TRAPPC13: variants seen among roughly 807,000 people sequenced by gnomAD.
The protein encoded by TRAPPC13 is trafficking protein particle complex subunit 13.
Under a neutral mutation model 54.0 loss-of-function variants are expected in TRAPPC13, and 39 were observed. The observed-to-expected ratio is 0.72, with a 90% CI of 0.56 to 0.94. The LOEUF is 0.94. Among genes scored for constraint, TRAPPC13 ranks in the 40% least tolerant of loss-of-function variants. TRAPPC13 has a pLI of 0.00. For missense variants in TRAPPC13, 386 were observed against 488.1 expected (o/e 0.79, Z 1.97); for synonymous variants, 148 against 167.7 (o/e 0.88, Z 0.91).
intron 4 of TRAPPC13, among the ~76,000 whole-genome samples, chr5:65,644,230 A>G (rs1756093867): frequency 6.6e-6 from 1 of 152,074 alleles, no homozygotes; most frequent in East Asian, 1.9e-4. Flanking sequence ...CCTGATTCCA[A>G]GTAGACCCTT....
At position 65,635,337 on chromosome 5, in the gene TRAPPC13, TC is replaced by T. The variant is rs754963852; in HGVS notation, c.86del (p.Pro29GlnfsTer2). 1.9e-6 allele frequency: 3 copies of T among 1,613,540 alleles called. No individual in the cohort carries two copies. The African/African-American group carries it at 4.0e-5, about 22-fold the overall frequency. Reference protein sequence around the residue: ...RLTKPTLFTNIPVTCEEKDLP... With the variant: ...RLTKPTLFTNXPVTCEEKDLP... Reference sequence around the variant, plus strand: ...ACTAAGCCTACTTTATTCACCAATATCCCAGTAACATGTGAAGAGAAAGACT... The same window carrying T: ...ACTAAGCCTACTTTATTCACCAATATCCAGTAACATGTGAAGAGAAAGACT... On this transcript the variant is annotated frameshift_variant, in exon 2 of 13. Coordinates refer to ENST00000399438, the MANE Select transcript of TRAPPC13 (RefSeq NM_024941.4). LOFTEE classifies it high-confidence loss of function.
chr5:65,650,181 G>A (rs575101729), intron 5 of TRAPPC13, among the ~76,000 whole-genome samples: 108 of 70,896 alleles, frequency 1.5e-3, no homozygotes, highest in African/African-American at 6.0e-3. Flanking sequence ...TTTTTTTTGA[G>A]ATGGAGTTTT....
At position 65,665,799 on chromosome 5, in the gene TRAPPC13, T is replaced by G. The variant is rs1357014379; in HGVS notation, c.*1188T>G. The G allele has an allele frequency of 6.6e-6, 1 of 152,536 alleles. No individual in the cohort carries two copies. The highest frequency in any genetic ancestry group is 2.4e-5 in the African/African-American group (1 of 41,454). The allele number at this position is 152,536 out of a possible 1,614,324, so 9.4% of individuals were successfully genotyped here. A position where few individuals can be genotyped will look rare whatever the true frequency, so the allele number is the denominator to read the frequency against. ...TTTGCAGCATTAATGTAACAAAAAG[T>G]TTCAGTATTTGTCAGGAAAACAAAA... On this transcript the variant is annotated 3_prime_UTR_variant, in exon 13 of 13. Coordinates refer to ENST00000399438, the MANE Select transcript of TRAPPC13 (RefSeq NM_024941.4).
chr5:65,653,091 C>CT (rs1359975958), intron 7 of TRAPPC13, among the ~76,000 whole-genome samples: 1 of 129,468 alleles, frequency 7.7e-6, no homozygotes, highest in Non-Finnish European at 1.7e-5. Flanking sequence ...AGAAGATACT[C>CT]TATCTTTTAC....
Position 65,664,716 on chromosome 5 carries a change from ATT to A in TRAPPC13, c.*108_*109del. The A allele has an allele frequency of 1.3e-6, 1 of 785,302 alleles. No homozygotes were observed. The highest frequency in any genetic ancestry group is 2.1e-6 in the Non-Finnish European group (1 of 480,914). 48.6% of individuals were successfully genotyped at this position (785,302 alleles called of 1,614,324 possible). ...ACAACGAAGTAAATATGTTACTTAAATTTTCTTTCCTGTAAAATGGTTAAAAT... is the reference window on the plus strand; with the variant it reads ...ACAACGAAGTAAATATGTTACTTAAATTCTTTCCTGTAAAATGGTTAAAAT... On this transcript the variant is annotated 3_prime_UTR_variant, in exon 13 of 13. Coordinates refer to ENST00000399438, the MANE Select transcript of TRAPPC13 (RefSeq NM_024941.4).
At chr5:65,660,923 G>C (rs201540797) in intron 10 of TRAPPC13, 26 bp downstream of exon 10, 1 of 1,574,806 alleles carries the variant, frequency 6.3e-7, no homozygotes, top group African/African-American at 1.4e-5. Flanking sequence ...ACTTCGCTGG[G>C]GTTTTGGTGT....
At chr5:65,655,472 G>C (rs185528948) in intron 7 of TRAPPC13, among the ~76,000 whole-genome samples, 164 bp from the exon 8 acceptor site, 1 of 152,104 alleles carries the variant, frequency 6.6e-6, no homozygotes, top group Admixed American at 6.5e-5. Flanking sequence ...AAAATGGTTT[G>C]TCATATTTCT....
At chr5:65,634,859 A>G (rs1303797463) in intron 1 of TRAPPC13, 1 of 464,344 alleles carries the variant, frequency 2.2e-6, no homozygotes, top group Admixed American at 6.4e-5. Context: ...AGATCGCACC[A>G]CTACACTCCA....
At chr5:65,659,173 G>A (rs1454364480) in intron 9 of TRAPPC13, among the ~76,000 whole-genome samples, 1 of 152,102 alleles carries the variant, frequency 6.6e-6, no homozygotes, top group East Asian at 1.9e-4. Flanking sequence ...TTAAGAGACA[G>A]GTCTCATTAA....
intron 11 of TRAPPC13, chr5:65,662,632 C>A (rs928314552): frequency 1.3e-5 from 2 of 152,202 alleles, no homozygotes; most frequent in African/African-American, 4.8e-5. Flanking sequence ...GCAAAGAGCA[C>A]AGGGCTTTGA....
intron 6 of TRAPPC13, among the ~76,000 whole-genome samples, chr5:65,652,168 G>C (rs921381964): frequency 3.3e-5 from 5 of 151,718 alleles, no homozygotes; most frequent in African/African-American, 1.2e-4. Context: ...CAGCTCAGTT[G>C]CTTTTTTTTG....
intron 6 of TRAPPC13, among the ~76,000 whole-genome samples, chr5:65,651,647 G>A (rs1054506091): frequency 6.5e-4 from 19 of 29,008 alleles, no homozygotes; most frequent in African/African-American, 1.5e-3. Flanking sequence ...ACATTTATGT[G>A]GGGGGGGTGG....
At position 65,645,570 on chromosome 5, in the gene TRAPPC13, C is replaced by T. The variant is rs964144233; in HGVS notation, c.301-1485C>T. 3.9e-5 allele frequency among the ~76,000 whole-genome samples: 6 copies of T among 152,130 alleles called. No homozygotes were observed. In the East Asian group the frequency reaches 5.8e-4, roughly 15 times the overall value. The stretch of plus-strand genomic sequence containing the variant: ...CTGTAATCCCAGCACTTTGGGAGGC[C>T]GAGGCGGGCGGATCACGAGGTCAGG... On this transcript the variant is annotated intron_variant, in intron 4 of 12. Coordinates refer to ENST00000399438, the MANE Select transcript of TRAPPC13 (RefSeq NM_024941.4).
intron 4 of TRAPPC13, among the ~76,000 whole-genome samples, chr5:65,640,095 C>T (rs1181870987): frequency 1.3e-5 from 2 of 152,176 alleles, no homozygotes; most frequent in Non-Finnish European, 2.9e-5. Context: ...GGGGTCTCTG[C>T]CTTTCATTAA....
At chr5:65,634,935 T>C (rs1199545203) in intron 1 of TRAPPC13, 1 of 900,084 alleles carries the variant, frequency 1.1e-6, no homozygotes, top group Non-Finnish European at 1.3e-6. Context: ...TTTCCAAAGT[T>C]AATATTTTGT....
intron 1 of TRAPPC13, among the ~76,000 whole-genome samples, chr5:65,627,131 C>CAAAAAAAAAAAAAAAAAAA (rs60169195): frequency 5.5e-4 from 18 of 32,570 alleles, no homozygotes; most frequent in Non-Finnish European, 8.4e-4. Context: ...GACCCTGTCT[C>CAAAAAAAAAAAAAAAAAAA]AAAAAAAAAA....
chr5:65,664,483 C>CCT (rs750075669), intron 12 of TRAPPC13, 21 bp from the exon 13 acceptor site: 1 of 1,034,354 alleles, frequency 9.7e-7, no homozygotes, highest in Admixed American at 2.4e-5. Flanking sequence ...AACTTAGACT[C>CCT]ATCTCTCTCT....
intron 4 of TRAPPC13, among the ~76,000 whole-genome samples, chr5:65,644,725 A>G (rs1384661740): frequency 2.0e-5 from 3 of 151,630 alleles, no homozygotes; most frequent in Admixed American, 6.6e-5. Flanking sequence ...TGCTAAAAAT[A>G]CAAAATTTAG....
chr5:65,641,053 C>T (rs1182896593), intron 4 of TRAPPC13, among the ~76,000 whole-genome samples: 1 of 151,990 alleles, frequency 6.6e-6, no homozygotes, highest in Non-Finnish European at 1.5e-5. Flanking sequence ...GCTGCCTTAG[C>T]CTCCTGAGTA....
Sources: gnomAD v4.1 joint callset for allele counts (sites outside exome capture counted in the v4.1 genomes callset) on GRCh38, gnomAD v4.1.1 for gene constraint, MANE v1.5 for transcripts, NCBI Gene and HGNC (gene_info 2026-07-23, HGNC 2026-07-21) for gene names.